Variants in MACROH2A1 observed in about 807,000 individuals in gnomAD.
The protein encoded by MACROH2A1 is macroH2A.1 histone.
In MACROH2A1, 2 loss-of-function variants were observed where a neutral mutation model predicts 31.6. That is an observed-to-expected ratio of 0.06 (90% CI 0.03 to 0.20). The LOEUF (loss-of-function observed/expected upper bound fraction) is 0.20. Ranked by LOEUF, MACROH2A1 falls within the 10% of genes least tolerant of loss-of-function variation. MACROH2A1 has a pLI of 1.00. For missense variants in MACROH2A1, 230 were observed against 474.0 expected (o/e 0.49, Z 4.78); for synonymous variants, 169 against 189.6 (o/e 0.89, Z 0.89).
rs532915470 is a variant in MACROH2A1, at chr5:135,368,995, A to T, written c.477+411T>A. On this transcript the variant is annotated intron_variant, in intron 4 of 8. Coordinates refer to ENST00000511689, the MANE Select transcript of MACROH2A1 (RefSeq NM_138610.3). ...ATGGAAGACATGCAGCCATGGCAAC[A>T]TGAGAGTTCTGCAACTGAGCATCAG... is the stretch of plus-strand genomic sequence containing the variant. 7.9e-5 allele frequency among the ~76,000 whole-genome samples: 12 copies of T among 152,352 alleles called. No homozygotes were observed. In the South Asian group the frequency reaches 8.3e-4, roughly 11 times the overall value.
intron 5 of MACROH2A1, chr5:135,360,138 C>T: frequency 3.4e-6 from 1 of 295,024 alleles, no homozygotes; most frequent in Non-Finnish European, 6.5e-6. Context: ...GTTCACCTTC[C>T]ACCACCAAGG....
intron 8 of MACROH2A1, among the ~76,000 whole-genome samples, chr5:135,335,977 G>A (rs938188679): frequency 1.3e-5 from 2 of 152,132 alleles, no homozygotes; most frequent in Non-Finnish European, 2.9e-5. Flanking sequence ...TCCCTTACTG[G>A]TCCCATTTTA....
chr5:135,390,193 A>G (rs1304616433), intron 1 of MACROH2A1, among the ~76,000 whole-genome samples: 1 of 151,902 alleles, frequency 6.6e-6, no homozygotes, highest in Non-Finnish European at 1.5e-5. Flanking sequence ...TATCTCTCAC[A>G]CTTGCCTCTG....
chr5:135,364,606 G>T (rs1441868531), intron 4 of MACROH2A1, among the ~76,000 whole-genome samples: 1 of 152,168 alleles, frequency 6.6e-6, no homozygotes, highest in East Asian at 1.9e-4. Context: ...GCCCAGCTTT[G>T]TTCTGAGCAG....
At chr5:135,352,648 C>T (rs1338012476) in intron 6 of MACROH2A1, among the ~76,000 whole-genome samples, 2 of 152,160 alleles carry the variant, frequency 1.3e-5, no homozygotes, top group African/African-American at 4.8e-5. Flanking sequence ...AAAACCAACA[C>T]GTTTAAAAAT....
rs1430714496 is a variant in MACROH2A1, at chr5:135,343,100, A to G, written c.953+160T>C. On this transcript the variant is annotated intron_variant, in intron 8 of 8. Transcript: ENST00000511689. ...TGGGTCTCTCTAATTGTCCCTCACC[A>G]TCATTTAATGTCTGCATTCTTCCCT... The G allele has an allele frequency of 2.6e-6, 4 of 1,515,602 alleles. No homozygotes were observed. The Admixed American group carries it at 7.8e-5, about 30-fold the overall frequency. The allele number at this position is 1,515,602 out of a possible 1,614,324, so 93.9% of individuals were successfully genotyped here.
chr5:135,374,078 G>C (rs1156800015), intron 2 of MACROH2A1, among the ~76,000 whole-genome samples: 1 of 152,116 alleles, frequency 6.6e-6, no homozygotes, highest in Non-Finnish European at 1.5e-5. Context: ...CATGGCCAGG[G>C]AAAATGGAGG....
At chr5:135,339,416 CAGTG>C (rs1388986003) in intron 8 of MACROH2A1, among the ~76,000 whole-genome samples, 1 of 152,180 alleles carries the variant, frequency 6.6e-6, no homozygotes, top group East Asian at 1.9e-4. Flanking sequence ...CCCCTGCTCT[CAGTG>C]AGCTCACCTT....
intron 7 of MACROH2A1, chr5:135,345,141 G>A (rs1760618970): frequency 6.6e-6 from 1 of 152,236 alleles, no homozygotes; most frequent in Non-Finnish European, 1.5e-5. Flanking sequence ...GAGGTCAAAG[G>A]CACAGATCAG....
At chr5:135,357,250 T>C (rs1282996450) in intron 5 of MACROH2A1, 2 of 152,202 alleles carry the variant, frequency 1.3e-5, no homozygotes, top group Admixed American at 1.3e-4. Flanking sequence ...GTCCAGATGG[T>C]CGATAGCTGA....
rs1334299868 is a variant in MACROH2A1, at chr5:135,337,059, T to G, written c.954-1918A>C. Among the ~76,000 whole-genome samples the G allele has an allele frequency of 3.7e-4, 57 of 152,172 alleles. 1 individual carries two copies. The highest frequency in any genetic ancestry group is 7.3e-5 in the Non-Finnish European group (5 of 68,028). ...CTGAGAGGAGCTGTGAGAAGTTGCA[T>G]TTTGCATGTGAATCCCAAGACCATG... On this transcript the variant is annotated intron_variant, in intron 8 of 8. Coordinates refer to ENST00000511689, the MANE Select transcript of MACROH2A1 (RefSeq NM_138610.3).
intron 2 of MACROH2A1, among the ~76,000 whole-genome samples, chr5:135,375,629 T>G (rs768021653): frequency 1.3e-5 from 2 of 152,110 alleles, no homozygotes; most frequent in African/African-American, 2.4e-5. Flanking sequence ...ACCCTTGCAA[T>G]AGGAAAGAGT....
In MACROH2A1 at chr5:135,335,685, C is replaced by T. The variant is rs1758542271; in HGVS notation, c.954-544G>A. Among the ~76,000 whole-genome samples the T allele has an allele frequency of 3.3e-5, 5 of 152,210 alleles. No homozygotes were observed. In the South Asian group the frequency reaches 1.0e-3, roughly 32 times the overall value. ...GCCAGAACGCAGGGAGCTGTGGGCT[C>T]TTCAACTCTGGGCTATCATCCAAGT... On this transcript the variant is annotated intron_variant, in intron 8 of 8. Transcript: ENST00000511689.
chr5:135,378,023 A>T (rs1180877455), intron 2 of MACROH2A1, among the ~76,000 whole-genome samples: 1 of 152,106 alleles, frequency 6.6e-6, no homozygotes, highest in African/African-American at 2.4e-5. Context: ...TGGATTCCCG[A>T]TGCTGAGGAC....
chr5:135,336,364 C>G (rs751506480), intron 8 of MACROH2A1, among the ~76,000 whole-genome samples: 10 of 152,220 alleles, frequency 6.6e-5, no homozygotes, highest in Non-Finnish European at 1.5e-4. Context: ...CGGCTTCACC[C>G]GGCTGGTGGA....
At chr5:135,341,426 C>A (rs73292664) in intron 8 of MACROH2A1, among the ~76,000 whole-genome samples, 2,420 of 152,326 alleles carry the variant, frequency 0.016, 63 homozygotes, top group African/African-American at 0.055. Flanking sequence ...TTGCCCTTGA[C>A]TGGGAGAAGT....
At chr5:135,386,760 G>A (rs933211626) in intron 2 of MACROH2A1, among the ~76,000 whole-genome samples, 6 of 152,292 alleles carry the variant, frequency 3.9e-5, no homozygotes, top group East Asian at 1.9e-4. Context: ...ATGCAGCACC[G>A]GTAGTAGTTG....
chr5:135,343,502 C>T, intron 7 of MACROH2A1, 68 bp from the exon 8 acceptor site: 1 of 1,591,468 alleles, frequency 6.3e-7, no homozygotes, highest in South Asian at 1.1e-5. Flanking sequence ...ATGCCAAACA[C>T]AGACCCACTC....
chr5:135,340,752 A>G (rs1468053594), intron 8 of MACROH2A1, among the ~76,000 whole-genome samples: 1 of 152,242 alleles, frequency 6.6e-6, no homozygotes, highest in Non-Finnish European at 1.5e-5. Flanking sequence ...GCAACAAACA[A>G]GCTGTTTTAT....
Sources: gnomAD v4.1 joint callset for allele counts (sites outside exome capture counted in the v4.1 genomes callset) on GRCh38, gnomAD v4.1.1 for gene constraint, MANE v1.5 for transcripts, NCBI Gene and HGNC (gene_info 2026-07-23, HGNC 2026-07-21) for gene names.